The following SEMA5B variants were observed in gnomAD, a reference collection of about 807,000 sequenced individuals.
SEMA5B encodes semaphorin-5B.
A neutral mutation model predicts 135.0 loss-of-function variants in SEMA5B; 66 were observed. That is an observed-to-expected ratio of 0.49 (90% CI 0.40 to 0.60). The LOEUF is 0.60. Ranked by LOEUF, SEMA5B falls within the 20% of genes least tolerant of loss-of-function variation. SEMA5B has a pLI of 0.00. For missense variants in SEMA5B, 1,501 were observed against 1,566.3 expected (o/e 0.96, Z 0.70); for synonymous variants, 690 against 639.5 (o/e 1.08, Z -1.19).
chr3:122,995,982 C>T (rs1041287217), intron 1 of SEMA5B, among the ~76,000 whole-genome samples: 1 of 152,244 alleles, frequency 6.6e-6, no homozygotes, highest in Non-Finnish European at 1.5e-5. Context: ...CATTCAGCAG[C>T]TCTTAAGATG....
At chr3:123,025,726 G>C (rs1435089159) in intron 1 of SEMA5B, among the ~76,000 whole-genome samples, 1 of 152,110 alleles carries the variant, frequency 6.6e-6, no homozygotes, top group Non-Finnish European at 1.5e-5. Context: ...GCCCTGCCCC[G>C]AGTGGTCTAC....
At chr3:122,920,651 G>C (rs1938300095) in intron 12 of SEMA5B, among the ~76,000 whole-genome samples, 1 of 152,228 alleles carries the variant, frequency 6.6e-6, no homozygotes, top group Non-Finnish European at 1.5e-5. Flanking sequence ...TTCCAGATGA[G>C]AGAGCCGAAG....
At chr3:122,993,725 C>T (rs935367390) in intron 1 of SEMA5B, among the ~76,000 whole-genome samples, 1 of 151,996 alleles carries the variant, frequency 6.6e-6, no homozygotes, top group African/African-American at 2.4e-5. Flanking sequence ...AGACACCATC[C>T]CTTCCTCCCC....
intron 1 of SEMA5B, chr3:122,976,238 T>C (rs1449834939): frequency 7.4e-7 from 1 of 1,347,268 alleles, no homozygotes; most frequent in African/African-American, 1.5e-5. Flanking sequence ...TGGGAACTTG[T>C]TTAAAATGCA....
Position 122,926,301 on chromosome 3 carries a change from G to A in SEMA5B, c.1136+91C>T, listed in dbSNP as rs531544030. ...ATGACCCCCGGCAGGAGGCACGGCA[G>A]TCCCCATTTTATAGATGAAGCCCAC... On this transcript the variant is annotated intron_variant, in intron 9 of 22. Coordinates refer to ENST00000357599, the MANE Select transcript of SEMA5B (RefSeq NM_001031702.4). 1.1e-4 allele frequency: 144 copies of A among 1,265,978 alleles called. No individual in the cohort carries two copies. In the African/African-American group the frequency reaches 2.0e-3, roughly 18 times the overall value. 78.4% of individuals were successfully genotyped at this position (1,265,978 alleles called of 1,614,324 possible). A position where few individuals can be genotyped will look rare whatever the true frequency, so the allele number is the denominator to read the frequency against.
chr3:122,927,060 C>T (rs569116631), intron 8 of SEMA5B, among the ~76,000 whole-genome samples: 3 of 152,184 alleles, frequency 2.0e-5, no homozygotes, highest in Non-Finnish European at 4.4e-5. Context: ...CAAAAGTAAT[C>T]GCAATTTTCA....
intron 1 of SEMA5B, among the ~76,000 whole-genome samples, chr3:122,994,938 A>C (rs1048074479): frequency 1.3e-5 from 2 of 152,032 alleles, no homozygotes; most frequent in Non-Finnish European, 2.9e-5. Context: ...TGGCTCTTGC[A>C]GTGGGAAGGA....
intron 1 of SEMA5B, among the ~76,000 whole-genome samples, chr3:122,963,492 C>CAA (rs71136598): frequency 0.26 from 31,130 of 121,340 alleles, 3,450 homozygotes; most frequent in Middle Eastern, 0.39. Context: ...GTCTCTGACT[C>CAA]AAAAAAAAAA....
At chr3:122,964,252 C>T (rs548775408) in intron 1 of SEMA5B, among the ~76,000 whole-genome samples, 2 of 152,296 alleles carry the variant, frequency 1.3e-5, no homozygotes, top group South Asian at 4.1e-4. Context: ...ATTGTCGAGT[C>T]CTGGCACCTG....
chr3:122,923,526 T>C, intron 10 of SEMA5B, 91 bp downstream of exon 10: 1 of 1,450,270 alleles, frequency 6.9e-7, no homozygotes, highest in South Asian at 1.2e-5. Context: ...CTGGTGTCTG[T>C]CTGTGCTAAG....
intron 1 of SEMA5B, among the ~76,000 whole-genome samples, chr3:122,973,502 G>T (rs973109465): frequency 6.6e-6 from 1 of 152,236 alleles, no homozygotes; most frequent in South Asian, 2.1e-4. Context: ...GTGAGGAGGG[G>T]TGGAACGTCA....
In SEMA5B at chr3:122,915,824, G is replaced by A. The variant is rs138147078; in HGVS notation, c.1755C>T (p.Leu585=). Residue 585 remains leucine, a synonymous_variant, in exon 13 of 23, where the codon CTC becomes CTT. Coordinates refer to ENST00000357599, the MANE Select transcript of SEMA5B (RefSeq NM_001031702.4). ...AGAGGCTCATGTTGGAGCTGTCCTC[G>A]AGTGTGCTGCAACGTTGCTGCTTCC... The part of the protein sequence containing the change: ...WDGKQQRCST[L]EDSSNMSLWT... The A allele has an allele frequency of 4.5e-5, 72 of 1,614,042 alleles. No individual in the cohort carries two copies. The African/African-American group carries it at 8.7e-4, about 19-fold the overall frequency.
intron 1 of SEMA5B, among the ~76,000 whole-genome samples, chr3:123,018,637 A>G (rs1942612084): frequency 6.6e-6 from 1 of 152,216 alleles, no homozygotes; most frequent in South Asian, 2.1e-4. Context: ...GTCGGCTCTG[A>G]TGAAGCCTAT....
chr3:122,950,229 A>G (rs969021081), intron 2 of SEMA5B, among the ~76,000 whole-genome samples: 2 of 152,202 alleles, frequency 1.3e-5, no homozygotes, highest in Admixed American at 1.3e-4. Context: ...CTGAGATACC[A>G]CTTCTCATCT....
chr3:122,997,712 C>T (rs543971920), intron 1 of SEMA5B, among the ~76,000 whole-genome samples: 1 of 152,304 alleles, frequency 6.6e-6, no homozygotes, highest in South Asian at 2.1e-4. Flanking sequence ...AATGCCTGTG[C>T]CCTGTTTCAC....
At chr3:122,969,852 G>T (rs1383997679) in intron 1 of SEMA5B, among the ~76,000 whole-genome samples, 4 of 152,224 alleles carry the variant, frequency 2.6e-5, no homozygotes, top group Non-Finnish European at 4.4e-5. Context: ...GCTGTGGAAG[G>T]TATTTTTGGA....
chr3:123,012,960 A>C (rs1029270551), intron 1 of SEMA5B, among the ~76,000 whole-genome samples: 24 of 152,332 alleles, frequency 1.6e-4, no homozygotes, highest in African/African-American at 5.5e-4. Flanking sequence ...AGACAGACAG[A>C]GCCTTGAGTT....
rs1942009582 is a variant in SEMA5B at position 122,995,768 on chromosome 3, C to A, written c.-39+31696G>T. ...GCTGGGCTGCTGGTCTTCTCTGGCC[C>A]ACTGTATCTTCCTCTTTGAAATGAG... On this transcript the variant is annotated intron_variant, in intron 1 of 22. Transcript: ENST00000357599. Among the ~76,000 whole-genome samples the A allele has an allele frequency of 1.3e-5, 2 of 152,198 alleles. 1 individual carries two copies. The highest frequency in any genetic ancestry group is 4.1e-4 in the South Asian group (2 of 4,828).
Position 122,915,915 on chromosome 3 carries a change from C to G in SEMA5B, c.1689-25G>C. On this transcript the variant is annotated intron_variant, in intron 12 of 22. Coordinates refer to ENST00000357599, the MANE Select transcript of SEMA5B (RefSeq NM_001031702.4). ...CCTGCCAGACAGACGTCCTGAGATT[C>G]AAGCCCACTGGCTTCCCAGCCTCAC... The G allele has an allele frequency of 1.9e-6, 3 of 1,592,934 alleles. No homozygotes were observed. The South Asian group carries it at 3.3e-5, about 18-fold the overall frequency.
Sources: gnomAD v4.1 joint callset for allele counts (sites outside exome capture counted in the v4.1 genomes callset) on GRCh38, gnomAD v4.1.1 for gene constraint, MANE v1.5 for transcripts, NCBI Gene and HGNC (gene_info 2026-07-23, HGNC 2026-07-21) for gene names.